The following LEPR variants were observed in gnomAD, a reference collection of about 807,000 sequenced individuals.
LEPR encodes OB receptor.
Under a neutral mutation model 114.7 loss-of-function variants are expected in LEPR, and 56 were observed. The ratio of observed to expected loss-of-function variants is 0.49; its 90% confidence interval spans 0.39 to 0.61. LEPR has a LOEUF of 0.61. Among genes scored for constraint, LEPR ranks in the 20% least tolerant of loss-of-function variants. The pLI is 0.00. For synonymous variants in LEPR, 443 were observed against 461.4 expected (o/e 0.96, Z 0.51); for missense variants, 1,202 against 1,352.9 (o/e 0.89, Z 1.75).
At chr1:65,464,495 T>C (rs1043838802) in intron 2 of LEPR, among the ~76,000 whole-genome samples, 1 of 152,198 alleles carries the variant, frequency 6.6e-6, no homozygotes, top group African/African-American at 2.4e-5. Flanking sequence ...TCTTTTTTTA[T>C]TGTGTCTCTA....
intron 12 of LEPR, 62 bp downstream of exon 12, chr1:65,608,963 T>C (rs1656997508): frequency 6.3e-7 from 1 of 1,585,736 alleles, no homozygotes; most frequent in African/African-American, 1.3e-5. Flanking sequence ...TATGTAAGAG[T>C]TTAATTGCAT....
intron 2 of LEPR, among the ~76,000 whole-genome samples, chr1:65,513,183 A>G (rs1341797197): frequency 6.6e-6 from 1 of 152,174 alleles, no homozygotes; most frequent in Non-Finnish European, 1.5e-5. Flanking sequence ...AGCTCTTGCT[A>G]TGTGGCCTCT....
chr1:65,434,412 GTAAA>G (rs1646530382), intron 2 of LEPR: 10 of 985,348 alleles, frequency 1.0e-5, no homozygotes, highest in Non-Finnish European at 1.2e-5. Context: ...TTGGCCACAA[GTAAA>G]TAATCTTATG....
At chr1:65,430,105 T>G in intron 2 of LEPR, 1 of 1,411,702 alleles carries the variant, frequency 7.1e-7, no homozygotes, top group South Asian at 1.6e-5. Flanking sequence ...TTCAGAGGCC[T>G]GTGTCTGGGA....
chr1:65,446,311 C>CT (rs1646713603), intron 2 of LEPR, among the ~76,000 whole-genome samples: 1 of 152,126 alleles, frequency 6.6e-6, no homozygotes, highest in African/African-American at 2.4e-5. Context: ...AGTTCCTACC[C>CT]TTTTTTAGAC....
intron 2 of LEPR, among the ~76,000 whole-genome samples, chr1:65,519,895 C>T (rs748751708): frequency 2.0e-5 from 3 of 151,928 alleles, no homozygotes; most frequent in African/African-American, 4.8e-5. Context: ...GATGGAGTCT[C>T]GCTCTGTTGC....
intron 2 of LEPR, among the ~76,000 whole-genome samples, chr1:65,555,342 A>G (rs575611794): frequency 2.0e-5 from 3 of 152,356 alleles, no homozygotes; most frequent in East Asian, 1.9e-4. Context: ...TGAGACCCAC[A>G]TATCACCTGG....
intron 14 of LEPR, 44 bp downstream of exon 14, chr1:65,610,340 T>C (rs776403562): frequency 6.1e-6 from 9 of 1,478,034 alleles, no homozygotes; most frequent in Non-Finnish European, 5.6e-6. Flanking sequence ...ATTTTTATAC[T>C]CTTAAAAATT....
intron 2 of LEPR, among the ~76,000 whole-genome samples, chr1:65,452,709 A>T (rs1478255042): frequency 6.6e-6 from 1 of 151,114 alleles, no homozygotes; most frequent in African/African-American, 2.4e-5. Context: ...TTTTGCATCA[A>T]TGTTCATCAA....
chr1:65,485,493 G>C (rs1557618171), intron 2 of LEPR, among the ~76,000 whole-genome samples: 1 of 152,118 alleles, frequency 6.6e-6, no homozygotes, highest in Non-Finnish European at 1.5e-5. Flanking sequence ...TGGCTTTCTT[G>C]CATCTTTCTG....
At chr1:65,572,929 T>A (rs1243119564) in intron 5 of LEPR, among the ~76,000 whole-genome samples, 1 of 152,150 alleles carries the variant, frequency 6.6e-6, no homozygotes, top group Non-Finnish European at 1.5e-5. Context: ...CACGGCTGGC[T>A]CTCTCTTGCC....
At chr1:65,447,628 G>A (rs1646730737) in intron 2 of LEPR, among the ~76,000 whole-genome samples, 1 of 151,468 alleles carries the variant, frequency 6.6e-6, no homozygotes, top group South Asian at 2.1e-4. Context: ...GGCCTCCTGG[G>A]CTCAGGTGAT....
intron 2 of LEPR, among the ~76,000 whole-genome samples, chr1:65,471,713 T>C (rs1329486326): frequency 6.6e-6 from 1 of 152,184 alleles, no homozygotes; most frequent in African/African-American, 2.4e-5. Flanking sequence ...TATGAAGTAA[T>C]GAACTCTTCT....
intron 2 of LEPR, chr1:65,434,498 T>A (rs1646531747): frequency 1.0e-6 from 1 of 984,996 alleles, no homozygotes; most frequent in South Asian, 4.7e-5. Context: ...ACAGAAACAA[T>A]ACTATGAATT....
chr1:65,627,466 G>A (rs1182608075), intron 19 of LEPR, among the ~76,000 whole-genome samples: 2 of 152,272 alleles, frequency 1.3e-5, no homozygotes, highest in East Asian at 3.9e-4. Flanking sequence ...GATAGTAAGT[G>A]TTGGTGAGAA....
At chr1:65,634,655 A>G in intron 19 of LEPR, 1 of 978,238 alleles carries the variant, frequency 1.0e-6, no homozygotes, top group Non-Finnish European at 1.2e-6. Context: ...AATATATCAA[A>G]CACATCATTT....
At chr1:65,569,224 C>T (rs2100799049) in intron 3 of LEPR, among the ~76,000 whole-genome samples, 1 of 152,244 alleles carries the variant, frequency 6.6e-6, no homozygotes, top group African/African-American at 2.4e-5. Context: ...ATCATGTTTA[C>T]TTCTATTTCC....
chr1:65,634,765 A>C lies in LEPR; in HGVS notation c.2674-1426A>C. The C allele has an allele frequency of 3.3e-6, 3 of 919,172 alleles. No individual in the cohort carries two copies. The South Asian group carries it at 1.5e-4, about 47-fold the overall frequency. The allele number at this position is 919,172 out of a possible 1,614,324, so 56.9% of individuals were successfully genotyped here. A position where few individuals can be genotyped will look rare whatever the true frequency, so the allele number is the denominator to read the frequency against. On this transcript the variant is annotated intron_variant, in intron 19 of 19. Transcript: ENST00000349533. ...AATTCTTTTGACAATCTTAATATGTAGGTTCATTTAAATTTTAAGACAGTT... is the reference window on the plus strand; with the variant it reads ...AATTCTTTTGACAATCTTAATATGTCGGTTCATTTAAATTTTAAGACAGTT...
chr1:65,422,862 C>G (rs1417877172), intron 1 of LEPR, among the ~76,000 whole-genome samples: 1 of 152,110 alleles, frequency 6.6e-6, no homozygotes, highest in Non-Finnish European at 1.5e-5. Flanking sequence ...GAAGCAACCG[C>G]AAAGGGATGG....
Sources: allele counts gnomAD v4.1 joint callset (sites outside exome capture counted in the v4.1 genomes callset), GRCh38; gene constraint gnomAD v4.1.1; transcripts MANE v1.5; gene names NCBI Gene and HGNC (gene_info 2026-07-23, HGNC 2026-07-21).